The following SEMA3F variants were observed in gnomAD, a reference collection of about 807,000 sequenced individuals.
SEMA3F encodes the protein semaphorin-3F.
A neutral mutation model predicts 98.5 loss-of-function variants in SEMA3F; 30 were observed. The observed-to-expected ratio is 0.30, with a 90% CI of 0.23 to 0.41. SEMA3F has a LOEUF of 0.41. Ranked by LOEUF, SEMA3F falls within the 10% of genes least tolerant of loss-of-function variation. SEMA3F has a pLI of 1.00. For synonymous variants in SEMA3F, 380 were observed against 444.8 expected (o/e 0.85, Z 1.83); for missense variants, 866 against 1,119.3 (o/e 0.77, Z 3.23).
Position 50,155,946 on chromosome 3 carries a change from T to C in SEMA3F, c.-49+382T>C, listed in dbSNP as rs1340062739. The C allele has an allele frequency of 6.6e-6, 1 of 152,304 alleles. No homozygotes were observed. Among genetic ancestry groups the C allele is most frequent in the Non-Finnish European group, 1.5e-5 (1 of 68,098 alleles). 9.4% of individuals were successfully genotyped at this position (152,304 alleles called of 1,614,324 possible). A position where few individuals can be genotyped will look rare whatever the true frequency, so the allele number is the denominator to read the frequency against. On this transcript the variant is annotated intron_variant, in intron 1 of 18. Coordinates refer to ENST00000002829, the MANE Select transcript of SEMA3F (RefSeq NM_004186.5). This position sits in a 1 kb window ranked among gnomAD's most constrained non-coding sequence, Gnocchi z 4.9. Reference sequence around the variant, plus strand: ...CCCATTAACGCCCGAGGCAGCGCTCTTCCCCGTAGATGCGCTTGCCCTACC... The same window carrying C: ...CCCATTAACGCCCGAGGCAGCGCTCCTCCCCGTAGATGCGCTTGCCCTACC...
chr3:50,187,774 C>A lies in SEMA3F; in HGVS notation c.2017C>A (p.Arg673Ser), dbSNP rs1249011069. 2 of 1,613,186 alleles carry A rather than the reference C, an allele frequency of 1.2e-6. No homozygotes were observed. Among genetic ancestry groups the A allele is most frequent in the Non-Finnish European group, 1.7e-6 (2 of 1,179,954 alleles). Residue 673 changes from arginine (R) to serine (S), a missense_variant, in exon 19 of 19, where the codon CGT becomes AGT. Coordinates refer to ENST00000002829, the MANE Select transcript of SEMA3F (RefSeq NM_004186.5). The stretch of plus-strand genomic sequence containing the variant: ...GCTCCGTGCACTGCAGCTCAGCGAT[C>A]GTGGCCTCTACTCCTGCACAGCCAC... ...LLLRALQLSDRGLYSCTATEN... is the reference protein window; with the variant it reads ...LLLRALQLSDSGLYSCTATEN...
At position 50,188,348 on chromosome 3, in the gene SEMA3F, C is replaced by T. The variant is rs934330034; in HGVS notation, c.*233C>T. The T allele has an allele frequency of 4.2e-5, 7 of 166,536 alleles. No homozygotes were observed. Among genetic ancestry groups the T allele is most frequent in the Admixed American group, 3.8e-4 (6 of 15,718 alleles). The allele number at this position is 166,536 out of a possible 1,614,324, so 10.3% of individuals were successfully genotyped here. Reference sequence around the variant, plus strand: ...AAAACAGAGCCTGCCTAACCAGGCCCAGCCAGTTGGTGGGGCCAGGCCAGG... The same window carrying T: ...AAAACAGAGCCTGCCTAACCAGGCCTAGCCAGTTGGTGGGGCCAGGCCAGG... On this transcript the variant is annotated 3_prime_UTR_variant, in exon 19 of 19. Transcript: ENST00000002829. The surrounding 1 kb of genome is among the most constrained non-coding windows in gnomAD (Gnocchi z 4.5).
At chr3:50,171,148 C>A (rs980731321) in intron 2 of SEMA3F, among the ~76,000 whole-genome samples, 3 of 152,178 alleles carry the variant, frequency 2.0e-5, no homozygotes, top group African/African-American at 7.2e-5. Context: ...GCTCCCTCCA[C>A]CCCCACCTCC....
Position 50,188,196 on chromosome 3 carries a change from T to A in SEMA3F, c.*81T>A, listed in dbSNP as rs1575413340. 1 of 467,228 alleles carries A rather than the reference T, an allele frequency of 2.1e-6. No individual in the cohort carries two copies. Among genetic ancestry groups the A allele is most frequent in the East Asian group, 4.9e-5 (1 of 20,204 alleles). The allele number at this position is 467,228 out of a possible 1,614,324, so 28.9% of individuals were successfully genotyped here. On this transcript the variant is annotated 3_prime_UTR_variant, in exon 19 of 19. Coordinates refer to ENST00000002829, the MANE Select transcript of SEMA3F (RefSeq NM_004186.5). The surrounding 1 kb of genome is among the most constrained non-coding windows in gnomAD (Gnocchi z 4.5). ...AAAGATATATATATATATATATATA[T>A]ATAAAATATCTATATTCTATACACA...
chr3:50,161,829 A>G (rs1698219162), intron 2 of SEMA3F, among the ~76,000 whole-genome samples: 1 of 152,152 alleles, frequency 6.6e-6, no homozygotes, highest in Non-Finnish European at 1.5e-5. Flanking sequence ...GGCCCTGTGT[A>G]TCCCCCTACA....
chr3:50,168,710 G>T (rs1559724112), intron 2 of SEMA3F, among the ~76,000 whole-genome samples: 1 of 152,248 alleles, frequency 6.6e-6, no homozygotes. Context: ...AGCTTTGGGG[G>T]AGTGATAAAA....
chr3:50,180,652 C>T (rs984032374), intron 7 of SEMA3F, among the ~76,000 whole-genome samples: 19 of 152,134 alleles, frequency 1.2e-4, no homozygotes, highest in Admixed American at 1.1e-3. Flanking sequence ...CAGCATTTAT[C>T]GATTAAGTTC....
In SEMA3F at chr3:50,188,752, G is replaced by T. The variant is rs1194725614; in HGVS notation, c.*637G>T. Reference sequence around the variant, plus strand: ...CCTTCTCCCCTCCCCGCCTGGCCAGGGCAGGGCCACCCCACTCTACCTCCT... The same window carrying T: ...CCTTCTCCCCTCCCCGCCTGGCCAGTGCAGGGCCACCCCACTCTACCTCCT... On this transcript the variant is annotated 3_prime_UTR_variant, in exon 19 of 19. Transcript: ENST00000002829. The surrounding 1 kb of genome is among the most constrained non-coding windows in gnomAD (Gnocchi z 4.5). 6.5e-6 allele frequency: 1 copy of T among 152,768 alleles called. No homozygotes were observed. Among genetic ancestry groups the T allele is most frequent in the African/African-American group, 2.4e-5 (1 of 41,438 alleles). The allele number at this position is 152,768 out of a possible 1,614,324, so 9.5% of individuals were successfully genotyped here. A position where few individuals can be genotyped will look rare whatever the true frequency, so the allele number is the denominator to read the frequency against.
intron 2 of SEMA3F, among the ~76,000 whole-genome samples, chr3:50,173,005 C>A (rs1337573492): frequency 6.6e-6 from 1 of 152,236 alleles, no homozygotes; most frequent in Non-Finnish European, 1.5e-5. Flanking sequence ...TGGCCCGCAC[C>A]TACCGCCCTT....
At chr3:50,157,647 G>C (rs1232905157) in intron 1 of SEMA3F, among the ~76,000 whole-genome samples, 2 of 152,128 alleles carry the variant, frequency 1.3e-5, no homozygotes, top group African/African-American at 2.4e-5. Flanking sequence ...CTGTCCAAGA[G>C]GGGACCTGGA....
chr3:50,168,551 GC>G (rs909200747), intron 2 of SEMA3F, among the ~76,000 whole-genome samples: 34 of 152,190 alleles, frequency 2.2e-4, no homozygotes, highest in African/African-American at 7.7e-4. Context: ...GGGCCTCCCT[GC>G]CCCCCCGCTT....
At chr3:50,167,861 C>G (rs113953796) in intron 2 of SEMA3F, among the ~76,000 whole-genome samples, 2,933 of 152,314 alleles carry the variant, frequency 0.019, 61 homozygotes, top group Middle Eastern at 0.11. Flanking sequence ...CCTTCGGTTC[C>G]TCTGCTCTGG....
chr3:50,170,329 C>T (rs1421673579), intron 2 of SEMA3F, among the ~76,000 whole-genome samples: 1 of 152,064 alleles, frequency 6.6e-6, no homozygotes, highest in African/African-American at 2.4e-5. Flanking sequence ...GTTGGGAAGG[C>T]TGGAGCTGAG....
At chr3:50,172,078 G>A (rs1190629010) in intron 2 of SEMA3F, among the ~76,000 whole-genome samples, 2 of 152,144 alleles carry the variant, frequency 1.3e-5, no homozygotes, top group African/African-American at 4.8e-5. Flanking sequence ...TCGGATCCCA[G>A]CTGTTCTCCC....
Position 50,186,652 on chromosome 3 carries a change from C to A in SEMA3F, c.1853C>A (p.Ala618Asp). 6.2e-7 allele frequency: 1 copy of A among 1,607,574 alleles called. No individual in the cohort carries two copies. Among genetic ancestry groups the A allele is most frequent in the Non-Finnish European group, 8.5e-7 (1 of 1,174,742 alleles). Residue 618 changes from alanine to aspartate, a missense_variant, in exon 18 of 19, where the codon GCC (alanine) becomes GAC (aspartate). By Grantham distance (126) the Ala-to-Asp change is moderately radical. Around this residue, in one of 3 missense-constraint regions of SEMA3F, gnomAD observed 245 missense variants for 260.5 expected, o/e 0.94. Transcript: ENST00000002829. ...NAVESVQYGV[A>D]GSAAFLECQP... ...GTGGAGTCTGTGCAGTATGGCGTGG[C>A]CGGCAGCGCAGCCTTCCTTGAGTGC... is the stretch of plus-strand genomic sequence containing the variant.
intron 12 of SEMA3F, among the ~76,000 whole-genome samples, chr3:50,183,779 C>T (rs1405117788): frequency 1.3e-5 from 2 of 152,146 alleles, no homozygotes; most frequent in African/African-American, 2.4e-5. Flanking sequence ...TGGGCGTGGT[C>T]GGCTGCTCCT....
chr3:50,159,224 G>GC (rs1698110878), intron 1 of SEMA3F: 1 of 174,862 alleles, frequency 5.7e-6, no homozygotes, highest in African/African-American at 2.4e-5. Context: ...CACTTTATTG[G>GC]CCACAGATGC....
chr3:50,174,773 G>T (rs1559729261), intron 5 of SEMA3F, among the ~76,000 whole-genome samples: 1 of 152,202 alleles, frequency 6.6e-6, no homozygotes, highest in South Asian at 2.1e-4. Flanking sequence ...CACCCCCAGG[G>T]CCAGGGTTGT....
chr3:50,175,166 C>T lies in SEMA3F; in HGVS notation c.527C>T (p.Pro176Leu), dbSNP rs772799248. ...GSRATDGALR[P>L]MPTAPRQDYI... ...AGAGCCACGGATGGTGCCCTCCGCC[C>T]GATGCCCACAGCCCCACGCCAGGTG... is the stretch of plus-strand genomic sequence containing the variant. The change falls in exon 6 of 19, where the codon CCG (proline) becomes CTG (leucine). Residue 176 changes from proline to leucine, a missense_variant. This residue lies in a region of SEMA3F where 247 missense variants were observed against 276.0 expected (regional missense o/e 0.89). Coordinates refer to ENST00000002829, the MANE Select transcript of SEMA3F (RefSeq NM_004186.5). The T allele has an allele frequency of 1.3e-5, 21 of 1,604,388 alleles. No homozygotes were observed. Among genetic ancestry groups the T allele is most frequent in the South Asian group, 1.1e-4 (10 of 89,506 alleles).
Sources: allele counts gnomAD v4.1 joint callset (sites outside exome capture counted in the v4.1 genomes callset), GRCh38; gene constraint gnomAD v4.1.1; regional missense constraint gnomAD v4.1.1; non-coding constraint Gnocchi (gnomAD v3.1); transcripts MANE v1.5; gene names NCBI Gene and HGNC (gene_info 2026-07-23, HGNC 2026-07-21).